The following UBR3 variants were observed in gnomAD, a reference collection of about 807,000 sequenced individuals.
UBR3 encodes ubiquitin protein ligase E3 component n-recognin 3, also known as E3 ubiquitin-protein ligase UBR3.
A neutral mutation model predicts 243.2 loss-of-function variants in UBR3; 85 were observed. That is an observed-to-expected ratio of 0.35 (90% CI 0.29 to 0.42). The LOEUF (loss-of-function observed/expected upper bound fraction) is 0.42, where lower values mean the gene tolerates loss of function less well. Ranked by LOEUF, UBR3 falls within the 10% of genes least tolerant of loss-of-function variation. The probability of loss-of-function intolerance (pLI) is 1.00; values close to 1 mark genes in which losing one functional copy is unlikely to be tolerated. For synonymous variants in UBR3, 748 were observed against 799.8 expected, an observed-to-expected ratio of 0.94 and a Z score of 1.09; for missense variants, 1,686 against 2,300.8, an observed-to-expected ratio of 0.73 and a Z score of 5.47.
chr2:169,852,170 T>C (rs2082680424), intron 1 of UBR3, among the ~76,000 whole-genome samples: 1 of 152,212 alleles, frequency 6.6e-6, no homozygotes, highest in Admixed American at 6.5e-5. Flanking sequence ...CTTCATTTTA[T>C]AGTTGAGGTA....
At chr2:170,001,939 A>AAAAAAAAAAAAAAAAAAG (rs1553531165) in intron 27 of UBR3, among the ~76,000 whole-genome samples, 12 of 116,212 alleles carry the variant, frequency 1.0e-4, no homozygotes, top group Middle Eastern at 4.4e-3. Context: ...AAAAAAAAAA[A>AAAAAAAAAAAAAAAAAAG]AAAGAAAGAA....
At chr2:170,017,203 TA>T (rs76143029) in intron 30 of UBR3, among the ~76,000 whole-genome samples, 30,604 of 147,434 alleles carry the variant, frequency 0.21, 3,426 homozygotes, top group South Asian at 0.36. Context: ...GTGGTATTAT[TA>T]AAAAAAAAAA....
At chr2:169,988,694 CAA>C (rs2089140458) in intron 25 of UBR3, among the ~76,000 whole-genome samples, 1 of 151,724 alleles carries the variant, frequency 6.6e-6, no homozygotes, top group Non-Finnish European at 1.5e-5. Flanking sequence ...CCCAGCTACT[CAA>C]GAGGCCAAGG....
intron 8 of UBR3, among the ~76,000 whole-genome samples, chr2:169,899,772 T>C (rs2084743044): frequency 6.6e-6 from 1 of 152,172 alleles, no homozygotes; most frequent in African/African-American, 2.4e-5. Flanking sequence ...GTCCTTGTGA[T>C]AGTTTGCTGA....
chr2:169,994,574 GA>G (rs2089413516), intron 26 of UBR3, 118 bp downstream of exon 26: 3 of 1,170,444 alleles, frequency 2.6e-6, no homozygotes, highest in African/African-American at 1.5e-5. Flanking sequence ...AAGTTTATTA[GA>G]AAAAAATTAA....
rs567936518 is a variant in UBR3, at chr2:169,871,533, C to T, written c.546-703C>T. 4.6e-3 allele frequency among the ~76,000 whole-genome samples: 706 copies of T among 151,882 alleles called. 3 individuals are homozygous for T. Among genetic ancestry groups the T allele is most frequent in the Middle Eastern group, 0.021 (6 of 292 alleles). ...CCGAGGCGGGCGGAGCACCTGAGGTCAGTAGTTTGAGACCAGCCTGGCCAA... is the reference window on the plus strand; with the variant it reads ...CCGAGGCGGGCGGAGCACCTGAGGTTAGTAGTTTGAGACCAGCCTGGCCAA... On this transcript the variant is annotated intron_variant, in intron 1 of 38. Transcript: ENST00000272793.
chr2:169,910,283 C>A (rs2085201138), intron 10 of UBR3, among the ~76,000 whole-genome samples: 1 of 151,992 alleles, frequency 6.6e-6, no homozygotes, highest in African/African-American at 2.4e-5. Flanking sequence ...ATATTAAGGA[C>A]AGGGAGAAGA....
chr2:169,916,567 ACTC>A (rs900148795), intron 11 of UBR3, among the ~76,000 whole-genome samples: 33 of 150,092 alleles, frequency 2.2e-4, no homozygotes, highest in African/African-American at 8.1e-4. Context: ...CCCGCACCAG[ACTC>A]CTCCTCTTTT....
At chr2:169,882,758 GAAAA>G (rs2083942478) in intron 5 of UBR3, among the ~76,000 whole-genome samples, 1 of 150,398 alleles carries the variant, frequency 6.6e-6, no homozygotes, top group South Asian at 2.1e-4. Flanking sequence ...AAAAAAAAAA[GAAAA>G]GTCATGTGAT....
chr2:169,906,689 C>T (rs13007090), intron 10 of UBR3, among the ~76,000 whole-genome samples: 64,220 of 151,992 alleles, frequency 0.42, 15,165 homozygotes, highest in Non-Finnish European at 0.54. Flanking sequence ...GCAGTTCCAG[C>T]CTGTTATTCT....
intron 27 of UBR3, 39 bp downstream of exon 27, chr2:170,001,453 C>T: frequency 8.0e-7 from 1 of 1,250,772 alleles, no homozygotes; most frequent in Non-Finnish European, 1.2e-6. Context: ...GTGCATGTAT[C>T]TTTCCAGGTA....
At chr2:169,848,798 G>A (rs1213726327) in intron 1 of UBR3, among the ~76,000 whole-genome samples, 2 of 151,552 alleles carry the variant, frequency 1.3e-5, no homozygotes, top group Admixed American at 6.6e-5. Flanking sequence ...TGCCTCCCAG[G>A]TTCAAGTGAT....
At chr2:170,041,040 T>G in intron 32 of UBR3, 55 bp downstream of exon 32, 3 of 1,474,094 alleles carry the variant, frequency 2.0e-6, no homozygotes, top group Non-Finnish European at 2.8e-6. Flanking sequence ...TTGAATATTC[T>G]AGAGATTATA....
At chr2:169,988,993 G>C (rs1183514033) in intron 25 of UBR3, among the ~76,000 whole-genome samples, 1 of 151,740 alleles carries the variant, frequency 6.6e-6, no homozygotes, top group Non-Finnish European at 1.5e-5. Context: ...TTTTAGATTT[G>C]AATATGGAAA....
At chr2:170,008,188 T>A (rs1215803513) in intron 28 of UBR3, among the ~76,000 whole-genome samples, 2 of 152,158 alleles carry the variant, frequency 1.3e-5, no homozygotes, top group African/African-American at 2.4e-5. Flanking sequence ...TAAAAAAAAA[T>A]TTCACCTTCA....
intron 33 of UBR3, among the ~76,000 whole-genome samples, chr2:170,059,099 AGC>A (rs2105445527): frequency 6.6e-6 from 1 of 152,190 alleles, no homozygotes; most frequent in South Asian, 2.1e-4. Context: ...AAGCTTCAAG[AGC>A]CTACTTTTTC....
intron 24 of UBR3, among the ~76,000 whole-genome samples, chr2:169,964,174 G>A (rs1252330771): frequency 1.3e-5 from 2 of 152,024 alleles, no homozygotes; most frequent in East Asian, 3.9e-4. Context: ...ATTGTTTACA[G>A]ATTATTTTGT....
At position 170,073,584 on chromosome 2, in the gene UBR3, G is replaced by A; in HGVS notation, c.5176G>A (p.Glu1726Lys). The A allele has an allele frequency of 6.2e-7, 1 of 1,612,966 alleles. No homozygotes were observed. The highest frequency in any genetic ancestry group is 8.5e-7 in the Non-Finnish European group (1 of 1,179,464). ...QWCFEIKSFTERHAEQGKALL... is the reference protein window; with the variant it reads ...QWCFEIKSFTKRHAEQGKALL... The stretch of plus-strand genomic sequence containing the variant: ...GTGTTTTGAGATAAAATCATTTACT[G>A]AAAGACATGCAGAACAAGGAAAGGT... The change falls in exon 36 of 39, where the codon GAA (glutamate) becomes AAA (lysine). Residue 1726 changes from glutamate to lysine, a missense_variant. By Grantham distance (56) the Glu-to-Lys change is moderately conservative. Coordinates refer to ENST00000272793, the MANE Select transcript of UBR3 (RefSeq NM_172070.4).
chr2:169,867,552 C>A (rs1379958688), intron 1 of UBR3, among the ~76,000 whole-genome samples: 1 of 152,114 alleles, frequency 6.6e-6, no homozygotes, highest in South Asian at 2.1e-4. Context: ...AAATGCTAAG[C>A]TTGTGTTACG....
Sources: allele counts gnomAD v4.1 joint callset (sites outside exome capture counted in the v4.1 genomes callset), GRCh38; gene constraint gnomAD v4.1.1; transcripts MANE v1.5; gene names NCBI Gene and HGNC (gene_info 2026-07-23, HGNC 2026-07-21).